The following SLC39A14 variants were observed in gnomAD, a reference collection of about 807,000 sequenced individuals.
SLC39A14 encodes solute carrier family 39 member 14.
SLC39A14 carries 19 observed loss-of-function variants against 45.5 expected under a neutral mutation model. The observed-to-expected ratio is 0.42, with a 90% CI of 0.29 to 0.61. The LOEUF (loss-of-function observed/expected upper bound fraction) is 0.61, where lower values mean the gene tolerates loss of function less well. Ranked by LOEUF, SLC39A14 falls within the 20% of genes least tolerant of loss-of-function variation. SLC39A14 has a pLI of 0.22. For synonymous variants in SLC39A14, 264 were observed against 251.3 expected (o/e 1.05, Z -0.48); for missense variants, 447 against 616.5 (o/e 0.73, Z 2.91).
intron 2 of SLC39A14, among the ~76,000 whole-genome samples, chr8:22,407,602 C>A (rs1358059370): frequency 1.3e-5 from 2 of 152,126 alleles, no homozygotes; most frequent in Non-Finnish European, 2.9e-5. Flanking sequence ...CTCAAGTGAT[C>A]TGCCCATCTG....
Position 22,404,989 on chromosome 8 carries a change from C to A in SLC39A14, c.270+9C>A. On this transcript the variant is annotated intron_variant, in intron 2 of 8. Transcript: ENST00000381237. ...ACAGGAACCTCTCCACGGTAAGGCT[C>A]CCCTGTGAGCCAGCAGCTCTGCTCA... 1 of 1,610,940 alleles carries A rather than the reference C, an allele frequency of 6.2e-7. No individual in the cohort carries two copies. Among genetic ancestry groups the A allele is most frequent in the Non-Finnish European group, 8.5e-7 (1 of 1,178,180 alleles).
At chr8:22,415,988 C>G in intron 6 of SLC39A14, 31 bp downstream of exon 6, 1 of 1,602,902 alleles carries the variant, frequency 6.2e-7, no homozygotes, top group Non-Finnish European at 8.5e-7. Context: ...TTGGTGGAGC[C>G]TCTAAGAGGT....
chr8:22,409,133 A>G (rs1439012831), intron 3 of SLC39A14, among the ~76,000 whole-genome samples: 3 of 151,374 alleles, frequency 2.0e-5, no homozygotes, highest in South Asian at 4.2e-4. Flanking sequence ...CTTTGGTTTT[A>G]TAGTTTTTCC....
chr8:22,417,013 A>C (rs1252562475), intron 7 of SLC39A14, among the ~76,000 whole-genome samples: 2 of 152,196 alleles, frequency 1.3e-5, no homozygotes, highest in Non-Finnish European at 2.9e-5. Flanking sequence ...GGTGCATGGC[A>C]GCTGGATGAA....
Position 22,419,673 on chromosome 8 carries a change from A to G in SLC39A14, c.1454A>G (p.Tyr485Cys). 1 of 1,612,830 alleles carries G rather than the reference A, an allele frequency of 6.2e-7. No homozygotes were observed. Among genetic ancestry groups the G allele is most frequent in the Non-Finnish European group, 8.5e-7 (1 of 1,179,446 alleles). The change falls in exon 9 of 9, where the codon TAT becomes TGT. Residue 485 changes from tyrosine to cysteine, a missense_variant. Coordinates refer to ENST00000381237, the MANE Select transcript of SLC39A14 (RefSeq NM_001128431.4). ...ACCATCATGGTGGTCCTCACCATGT[A>G]TTCAGGACAGATCCAGATTGGGTAG... Reference protein sequence around the residue: ...GFTIMVVLTMYSGQIQIG With the variant: ...GFTIMVVLTMCSGQIQIG
intron 1 of SLC39A14, among the ~76,000 whole-genome samples, chr8:22,401,322 A>C (rs533175401): frequency 1.1e-3 from 172 of 152,270 alleles, no homozygotes; most frequent in Non-Finnish European, 2.1e-3. Context: ...TTAGTGTCCG[A>C]GCCCTGGGTG....
At chr8:22,371,575 G>A (rs1284937597) in intron 1 of SLC39A14, among the ~76,000 whole-genome samples, 3 of 150,534 alleles carry the variant, frequency 2.0e-5, no homozygotes, top group Non-Finnish European at 4.4e-5. Flanking sequence ...TGTGATCACA[G>A]GTGCCTGCCA....
At chr8:22,433,540 CT>C (rs555154342) in intron 8 of SLC39A14, among the ~76,000 whole-genome samples, 1,324 of 118,220 alleles carry the variant, frequency 0.011, 9 homozygotes, top group Admixed American at 0.04. Context: ...TTATTTTATG[CT>C]TTTTTTTTTT....
downstream of SLC39A14, among the ~76,000 whole-genome samples, chr8:22,427,395 C>T (rs556460439): frequency 2.8e-4 from 43 of 152,132 alleles, no homozygotes; most frequent in African/African-American, 1.0e-3. Flanking sequence ...AGGACATTCA[C>T]CCCAAAATTT....
intron 3 of SLC39A14, 47 bp downstream of exon 3, chr8:22,408,543 G>A (rs536468517): frequency 1.5e-5 from 23 of 1,541,558 alleles, no homozygotes; most frequent in Admixed American, 1.1e-4. Flanking sequence ...TCTCGCCCGC[G>A]TCTCACAAGG....
intron 8 of SLC39A14, among the ~76,000 whole-genome samples, chr8:22,427,937 G>C (rs1471207321): frequency 6.6e-6 from 1 of 152,180 alleles, no homozygotes; most frequent in Non-Finnish European, 1.5e-5. Context: ...GGGAGATTGA[G>C]ACAGGAGGAT....
intron 1 of SLC39A14, among the ~76,000 whole-genome samples, chr8:22,394,757 C>G (rs183968550): frequency 1.9e-3 from 292 of 152,202 alleles, no homozygotes; most frequent in Non-Finnish European, 3.2e-3. Flanking sequence ...GTATTTCCCC[C>G]CTAGGAAGGG....
intron 5 of SLC39A14, chr8:22,415,187 A>T: frequency 2.8e-6 from 1 of 356,080 alleles, no homozygotes; most frequent in African/African-American, 2.2e-5. Context: ...GTATCTTTAC[A>T]GGATGGGGAG....
At chr8:22,424,386 T>A (rs1441413604), downstream of SLC39A14, among the ~76,000 whole-genome samples, 3 of 152,226 alleles carry the variant, frequency 2.0e-5, no homozygotes, top group East Asian at 5.8e-4. Flanking sequence ...TGGTTCAATC[T>A]TATGACTACC....
At position 22,388,344 on chromosome 8, in the gene SLC39A14, C is replaced by T. The variant is rs1833892403; in HGVS notation, c.-15-16352C>T. 2.0e-5 allele frequency among the ~76,000 whole-genome samples: 3 copies of T among 152,086 alleles called. No homozygotes were observed. The South Asian group carries it at 6.2e-4, about 32-fold the overall frequency. On this transcript the variant is annotated intron_variant, in intron 1 of 8. Coordinates refer to ENST00000381237, the MANE Select transcript of SLC39A14 (RefSeq NM_001128431.4). ...AAACCACTGACATGAATGGGACTTCCTAGTCCTGTGGCGGGGAGGAGTGTG... is the reference window on the plus strand; with the variant it reads ...AAACCACTGACATGAATGGGACTTCTTAGTCCTGTGGCGGGGAGGAGTGTG...
chr8:22,374,130 G>A lies in SLC39A14; in HGVS notation c.-16+6722G>A, dbSNP rs371413896. ...AAATAAATAGAACCTGCATAAAGAG[G>A]TTTGGGAATAGGCACAGCTGTTGGC... On this transcript the variant is annotated intron_variant, in intron 1 of 8. Transcript: ENST00000381237. Among the ~76,000 whole-genome samples, 27 of 152,322 alleles carry A rather than the reference G, an allele frequency of 1.8e-4. No homozygotes were observed. In the South Asian group the frequency reaches 4.6e-3, roughly 26 times the overall value.
chr8:22,433,540 CTTTTTTTTTTTTT>C (rs555154342), intron 8 of SLC39A14, among the ~76,000 whole-genome samples: 1 of 118,246 alleles, frequency 8.5e-6, no homozygotes, highest in African/African-American at 3.2e-5. Context: ...TTATTTTATG[CTTTTTTTTTTTTT>C]TTTTTTTTGA....
chr8:22,397,955 G>A (rs1204125667), intron 1 of SLC39A14, among the ~76,000 whole-genome samples: 1 of 152,192 alleles, frequency 6.6e-6, no homozygotes, highest in Non-Finnish European at 1.5e-5. Flanking sequence ...AAGCCTGGGT[G>A]ATGTGCCAGG....
intron 1 of SLC39A14, among the ~76,000 whole-genome samples, chr8:22,371,747 CT>C (rs1257184691): frequency 2.1e-3 from 237 of 113,178 alleles, no homozygotes; most frequent in Middle Eastern, 0.015. Context: ...TATCTTTTAT[CT>C]TTTTTTTTTT....
Sources: gnomAD v4.1 joint callset for allele counts (sites outside exome capture counted in the v4.1 genomes callset) on GRCh38, gnomAD v4.1.1 for gene constraint, MANE v1.5 for transcripts, NCBI Gene and HGNC (gene_info 2026-07-23, HGNC 2026-07-21) for gene names.